The following TSC22D1 variants were observed in gnomAD, a reference collection of about 807,000 sequenced individuals.
TSC22D1 encodes TSC22 domain family protein 1.
A neutral mutation model predicts 74.2 loss-of-function variants in TSC22D1; 9 were observed. The observed-to-expected ratio is 0.12, with a 90% CI of 0.07 to 0.21. The LOEUF is 0.21. Ranked by LOEUF, TSC22D1 falls within the 10% of genes least tolerant of loss-of-function variation. The pLI, the probability that TSC22D1 is intolerant of heterozygous loss-of-function variation, is 1.00. For synonymous variants in TSC22D1, 586 were observed against 492.5 expected, an observed-to-expected ratio of 1.19 and a Z score of -2.51; for missense variants, 1,427 against 1,304.7, an observed-to-expected ratio of 1.09 and a Z score of -1.44.
At chr13:44,520,575 TAA>T (rs138211476) in intron 1 of TSC22D1, among the ~76,000 whole-genome samples, 3,430 of 152,152 alleles carry the variant, frequency 0.023, 112 homozygotes, top group African/African-American at 0.076. Context: ...CTTCTATGCA[TAA>T]GAGAAGGATC....
At chr13:44,519,472 C>A (rs1880207369) in intron 1 of TSC22D1, among the ~76,000 whole-genome samples, 1 of 151,982 alleles carries the variant, frequency 6.6e-6, no homozygotes, top group South Asian at 2.1e-4. Flanking sequence ...GGCACAATGA[C>A]AGCAAACAGA....
chr13:44,510,784 C>G (rs1879680076), intron 1 of TSC22D1, among the ~76,000 whole-genome samples: 1 of 152,048 alleles, frequency 6.6e-6, no homozygotes, highest in African/African-American at 2.4e-5. Flanking sequence ...TTGGTACAGA[C>G]AGGGTTTCCC....
At chr13:44,455,896 T>C (rs1876566735) in intron 1 of TSC22D1, among the ~76,000 whole-genome samples, 1 of 152,086 alleles carries the variant, frequency 6.6e-6, no homozygotes, top group South Asian at 2.1e-4. Context: ...TTTTCAAAGC[T>C]GGAAAAAAGA....
At chr13:44,572,800 G>T (rs1406475343) in intron 1 of TSC22D1, among the ~76,000 whole-genome samples, 1 of 152,182 alleles carries the variant, frequency 6.6e-6, no homozygotes, top group African/African-American at 2.4e-5. Context: ...CCCCCCAAGA[G>T]ATTATTTTAG....
chr13:44,437,151 T>G, intron 1 of TSC22D1: 3 of 985,618 alleles, frequency 3.0e-6, no homozygotes, highest in Non-Finnish European at 3.6e-6. Context: ...TGAAAAATAC[T>G]ATGGGGGCCC....
At chr13:44,561,061 C>T (rs973981364) in intron 1 of TSC22D1, among the ~76,000 whole-genome samples, 2 of 152,216 alleles carry the variant, frequency 1.3e-5, no homozygotes, top group South Asian at 2.1e-4. Context: ...CCCCCCGGGG[C>T]GTCGGGGGAC....
chr13:44,557,088 A>T lies in TSC22D1; in HGVS notation c.2912+16075T>A, dbSNP rs1882694799. ...AACCCGGGAGTCAGAGGTTGTGGTGAGCCGAGATCGCACCATTGCACTCCA... is the reference window on the plus strand; with the variant it reads ...AACCCGGGAGTCAGAGGTTGTGGTGTGCCGAGATCGCACCATTGCACTCCA... On this transcript the variant is annotated intron_variant, in intron 1 of 2. Transcript: ENST00000458659. Among the ~76,000 whole-genome samples, 3 of 150,944 alleles carry T rather than the reference A, an allele frequency of 2.0e-5. No individual in the cohort carries two copies. The East Asian group carries it at 5.9e-4, about 29-fold the overall frequency.
intron 1 of TSC22D1, among the ~76,000 whole-genome samples, chr13:44,499,804 T>TAGCC (rs1227869624): frequency 2.0e-5 from 3 of 152,142 alleles, no homozygotes; most frequent in African/African-American, 7.2e-5. Context: ...AGCTCACAGC[T>TAGCC]AGCCGGGTGC....
At chr13:44,511,944 G>A (rs751962331) in intron 1 of TSC22D1, among the ~76,000 whole-genome samples, 6 of 152,116 alleles carry the variant, frequency 3.9e-5, no homozygotes, top group Non-Finnish European at 8.8e-5. Context: ...AAATGCCAAT[G>A]CTCCCAAAAG....
At chr13:44,491,403 A>T (rs1674208477) in intron 1 of TSC22D1, among the ~76,000 whole-genome samples, 1 of 151,880 alleles carries the variant, frequency 6.6e-6, no homozygotes. Context: ...AATACAAAAA[A>T]ATTAGCTGGA....
At chr13:44,563,891 T>G (rs1404399938) in intron 1 of TSC22D1, among the ~76,000 whole-genome samples, 2 of 152,238 alleles carry the variant, frequency 1.3e-5, no homozygotes, top group Non-Finnish European at 2.9e-5. Context: ...TTATTTAATA[T>G]TTCATGTTGC....
In TSC22D1 at chr13:44,434,647, C is replaced by G; in HGVS notation, c.3201G>C (p.Gln1067His). The G allele has an allele frequency of 6.3e-7, 1 of 1,581,024 alleles. No homozygotes were observed. Among genetic ancestry groups the G allele is most frequent in the South Asian group, 1.2e-5 (1 of 84,724 alleles). Residue 1067 changes from glutamine (Q) to histidine (H), a missense_variant, in exon 3 of 3, where the codon CAG becomes CAC. Gln to His is a conservative substitution (Grantham distance 24). This residue lies in a region of TSC22D1 where 63 missense variants were observed against 50.5 expected (regional missense o/e 1.25). Coordinates refer to ENST00000458659, the MANE Select transcript of TSC22D1 (RefSeq NM_183422.4). ...GCAGCTATGCGGTTGGTCCTGAGCC[C>G]TGCGATGCTGGCTGGGCGGGGGGCT... ...TTQPPAQPAS[Q>H]GSGPTA is the part of the protein sequence containing the mutation.
intron 1 of TSC22D1, among the ~76,000 whole-genome samples, chr13:44,453,543 A>G (rs949140928): frequency 6.6e-6 from 1 of 152,252 alleles, no homozygotes; most frequent in African/African-American, 2.4e-5. Flanking sequence ...AACAAATCTG[A>G]TAGTGGTCAG....
chr13:44,457,216 A>T (rs1301682332), intron 1 of TSC22D1, among the ~76,000 whole-genome samples: 6 of 152,246 alleles, frequency 3.9e-5, no homozygotes, highest in Admixed American at 3.9e-4. Flanking sequence ...CGCAAACAGC[A>T]CATATCTCAA....
chr13:44,554,063 C>T (rs1882461279), intron 1 of TSC22D1, among the ~76,000 whole-genome samples: 1 of 152,154 alleles, frequency 6.6e-6, no homozygotes, highest in Non-Finnish European at 1.5e-5. Flanking sequence ...ACTTACAGTG[C>T]TTAAGAAAGG....
intron 1 of TSC22D1, among the ~76,000 whole-genome samples, chr13:44,444,374 A>G (rs1875469366): frequency 6.6e-6 from 1 of 151,494 alleles, no homozygotes; most frequent in South Asian, 2.1e-4. Flanking sequence ...AAGCACCTCA[A>G]TTAAAAAGCA....
intron 1 of TSC22D1, among the ~76,000 whole-genome samples, chr13:44,444,195 C>G (rs1231994663): frequency 2.1e-5 from 3 of 141,690 alleles, no homozygotes; most frequent in Non-Finnish European, 3.0e-5. Context: ...AGGAGAATCG[C>G]TTGAACCTGG....
intron 1 of TSC22D1, among the ~76,000 whole-genome samples, chr13:44,456,185 G>A (rs1233404702): frequency 6.6e-6 from 1 of 152,180 alleles, no homozygotes; most frequent in Non-Finnish European, 1.5e-5. Context: ...CCCAAAAAGT[G>A]AGCAGCAGCA....
chr13:44,508,630 G>C (rs1400006948), intron 1 of TSC22D1, among the ~76,000 whole-genome samples: 2 of 152,054 alleles, frequency 1.3e-5, no homozygotes, highest in African/African-American at 2.4e-5. Flanking sequence ...CCACCACCCA[G>C]TTCCAGTTAA....
Sources: allele counts gnomAD v4.1 joint callset (sites outside exome capture counted in the v4.1 genomes callset), GRCh38; gene constraint gnomAD v4.1.1; regional missense constraint gnomAD v4.1.1; transcripts MANE v1.5; gene names NCBI Gene and HGNC (gene_info 2026-07-23, HGNC 2026-07-21).